Variants in DLGAP2 observed in about 807,000 individuals in gnomAD.
DLGAP2 encodes disks large-associated protein 2.
Under a neutral mutation model 100.3 loss-of-function variants are expected in DLGAP2, and 26 were observed. The ratio of observed to expected loss-of-function variants is 0.26; its 90% CI spans 0.19 to 0.36. The LOEUF (loss-of-function observed/expected upper bound fraction) is 0.36, where lower values mean the gene tolerates loss of function less well. DLGAP2 is among the 10% of genes least tolerant of loss of function. The pLI is 1.00. For synonymous variants in DLGAP2, 886 were observed against 630.1 expected, an observed-to-expected ratio of 1.41 and a Z score of -6.08; for missense variants, 1,858 against 1,453.2, an observed-to-expected ratio of 1.28 and a Z score of -4.53.
rs371417094 is a variant in DLGAP2, at chr8:1,299,312, C to T, written c.106+40429C>T. Among the ~76,000 whole-genome samples, 18 of 152,184 alleles carry T rather than the reference C, an allele frequency of 1.2e-4. 1 individual carries two copies. The highest frequency in any genetic ancestry group is 3.9e-4 in the African/African-American group (16 of 41,430). On this transcript the variant is annotated intron_variant, in intron 3 of 14. Transcript: ENST00000637795. ...CCGCATGGATGGTCTGTCTGGCCTC[C>T]CTGGATTTTCCAGTGGTGTCTCCAC...
At chr8:1,195,850 A>G (rs967019427) in intron 2 of DLGAP2, among the ~76,000 whole-genome samples, 1 of 152,202 alleles carries the variant, frequency 6.6e-6, no homozygotes, top group Non-Finnish European at 1.5e-5. Context: ...CGTTCTGCGA[A>G]AACGCTTCCA....
chr8:1,094,952 A>G (rs1303164873), intron 2 of DLGAP2, among the ~76,000 whole-genome samples: 2 of 152,232 alleles, frequency 1.3e-5, no homozygotes, highest in Admixed American at 6.5e-5. Flanking sequence ...ACAGAAGGAC[A>G]GCTCTGCTCT....
chr8:757,872 G>C (rs1205693280), intron 1 of DLGAP2, among the ~76,000 whole-genome samples: 4 of 152,312 alleles, frequency 2.6e-5, no homozygotes, highest in African/African-American at 7.2e-5. Flanking sequence ...GGCACGTGTA[G>C]CAGGCATTCC....
rs142743331 is a variant in DLGAP2 at position 1,695,891 on chromosome 8, C to T, written c.2797-1256C>T. Among the ~76,000 whole-genome samples, 3 of 152,350 alleles carry T rather than the reference C, an allele frequency of 2.0e-5. No individual in the cohort carries two copies. The East Asian group carries it at 5.8e-4, about 29-fold the overall frequency. On this transcript the variant is annotated intron_variant, in intron 13 of 14. Coordinates refer to ENST00000637795, the MANE Select transcript of DLGAP2 (RefSeq NM_001346810.2). ...ACAGAGGCTGAGTTCGGGCTCCCAG[C>T]CGCTGGCCAGGGCCGCCCTCCTGGG...
intron 2 of DLGAP2, among the ~76,000 whole-genome samples, chr8:1,080,851 A>C (rs532741456): frequency 6.6e-6 from 1 of 152,224 alleles, no homozygotes. Flanking sequence ...CTACTTTCTC[A>C]TACTGGACAT....
chr8:1,254,973 G>GCC (rs1799145978), intron 2 of DLGAP2, among the ~76,000 whole-genome samples: 2 of 121,298 alleles, frequency 1.6e-5, no homozygotes, highest in African/African-American at 7.3e-5. Flanking sequence ...CTCTCATCCT[G>GCC]TCCGGGTGCT....
intron 8 of DLGAP2, among the ~76,000 whole-genome samples, chr8:1,662,460 G>A (rs1798430133): frequency 6.6e-6 from 1 of 152,200 alleles, no homozygotes; most frequent in Non-Finnish European, 1.5e-5. Context: ...ATTCTGACGT[G>A]CACTCTTGGA....
chr8:881,872 C>T (rs768468612), intron 1 of DLGAP2, among the ~76,000 whole-genome samples: 5 of 152,064 alleles, frequency 3.3e-5, no homozygotes, highest in Middle Eastern at 3.4e-3. Flanking sequence ...AGAAATAAAC[C>T]GTGAAGTGTC....
At chr8:1,312,060 C>G (rs1466687374) in intron 3 of DLGAP2, among the ~76,000 whole-genome samples, 2 of 152,330 alleles carry the variant, frequency 1.3e-5, no homozygotes, top group Non-Finnish European at 1.5e-5. Context: ...TCAACTGAAT[C>G]TGACATCTGT....
chr8:1,599,019 G>C (rs1208130737), intron 6 of DLGAP2, among the ~76,000 whole-genome samples: 1 of 152,072 alleles, frequency 6.6e-6, no homozygotes, highest in African/African-American at 2.4e-5. Flanking sequence ...TATAAATTTT[G>C]CTCTAAACAC....
intron 2 of DLGAP2, among the ~76,000 whole-genome samples, chr8:1,169,365 G>T (rs1463709068): frequency 6.6e-6 from 1 of 152,126 alleles, no homozygotes; most frequent in African/African-American, 2.4e-5. Flanking sequence ...GGCGATGCGG[G>T]CTCTTTCTTG....
In DLGAP2 at chr8:1,669,095, G is replaced by C. The variant is rs189550883; in HGVS notation, c.2160+417G>C. Among the ~76,000 whole-genome samples, 3 of 152,286 alleles carry C rather than the reference G, an allele frequency of 2.0e-5. No individual in the cohort carries two copies. In the East Asian group the frequency reaches 5.8e-4, roughly 29 times the overall value. On this transcript the variant is annotated intron_variant, in intron 9 of 14. Coordinates refer to ENST00000637795, the MANE Select transcript of DLGAP2 (RefSeq NM_001346810.2). The stretch of plus-strand genomic sequence containing the variant: ...GGTATTGTGGCCAAAGAATTGAGTG[G>C]GGAAACCAAAAGGTGCTGGGAATGA...
intron 6 of DLGAP2, among the ~76,000 whole-genome samples, chr8:1,568,129 G>C (rs1397488472): frequency 3.5e-4 from 44 of 125,434 alleles, no homozygotes; most frequent in African/African-American, 1.2e-3. Flanking sequence ...CCATTCAGCA[G>C]ACACAAATCC....
At chr8:1,359,691 A>G (rs1234447406) in intron 3 of DLGAP2, among the ~76,000 whole-genome samples, 1 of 152,228 alleles carries the variant, frequency 6.6e-6, no homozygotes, top group Non-Finnish European at 1.5e-5. Context: ...CCCACGGTAG[A>G]CGCTGGCCTC....
chr8:927,291 C>T (rs1798837041), intron 2 of DLGAP2: 4 of 935,244 alleles, frequency 4.3e-6, no homozygotes, highest in Admixed American at 6.2e-5. Context: ...CTTGAAGCTT[C>T]TGTGGCGACT....
At chr8:757,953 G>T (rs546864174) in intron 1 of DLGAP2, among the ~76,000 whole-genome samples, 1 of 152,322 alleles carries the variant, frequency 6.6e-6, no homozygotes. Context: ...TGGGGCAAGT[G>T]TGTGGGGTTG....
chr8:891,114 C>G (rs936863693), intron 1 of DLGAP2: 1 of 149,216 alleles, frequency 6.7e-6, no homozygotes, highest in Non-Finnish European at 1.5e-5. Flanking sequence ...GTGAGGAATT[C>G]GGGGTAAATA....
At chr8:804,776 CT>C (rs960125749) in intron 1 of DLGAP2, among the ~76,000 whole-genome samples, 5 of 151,902 alleles carry the variant, frequency 3.3e-5, no homozygotes, top group East Asian at 1.9e-4. Flanking sequence ...CATTTTATTT[CT>C]TTTTTTTGGA....
intron 2 of DLGAP2, among the ~76,000 whole-genome samples, chr8:1,228,806 A>G (rs1346368515): frequency 1.3e-5 from 2 of 152,134 alleles, no homozygotes; most frequent in Non-Finnish European, 2.9e-5. Flanking sequence ...TATACGAACA[A>G]CCTATAGTTA....
Sources: allele counts gnomAD v4.1 joint callset (sites outside exome capture counted in the v4.1 genomes callset), GRCh38; gene constraint gnomAD v4.1.1; transcripts MANE v1.5; gene names NCBI Gene and HGNC (gene_info 2026-07-23, HGNC 2026-07-21).